ANKRD2: variants seen among roughly 807,000 people sequenced by gnomAD.
ANKRD2 encodes the protein ankyrin repeat domain 2, also known as ankyrin repeat domain-containing protein 2.
A neutral mutation model predicts 37.3 loss-of-function variants in ANKRD2; 35 were observed. The ratio of observed to expected loss-of-function variants is 0.94; its 90% CI spans 0.72 to 1.24. The LOEUF is 1.24. Among genes scored for constraint, ANKRD2 ranks in the 50% most tolerant of loss-of-function variants. The pLI is 0.00. For synonymous variants in ANKRD2, 159 were observed against 186.5 expected, an observed-to-expected ratio of 0.85 and a Z score of 1.20; for missense variants, 410 against 445.6, an observed-to-expected ratio of 0.92 and a Z score of 0.72.
rs1436065232 is a variant in ANKRD2 at position 97,578,250 on chromosome 10, G to A, written c.200G>A (p.Arg67His). The change falls in exon 3 of 9, where the codon CGC (arginine) becomes CAC (histidine). Residue 67 changes from arginine (R) to histidine (H), a missense_variant. Transcript: ENST00000370655. Reference sequence around the variant, plus strand: ...GGCCATCCCGCGCAGGGCCAAGAGCGCGTGCGCAAGACGTCCCTGGACCTG... The same window carrying A: ...GGCCATCCCGCGCAGGGCCAAGAGCACGTGCGCAAGACGTCCCTGGACCTG... The part of the protein sequence containing the change: ...AALQKVKGQE[R>H]VRKTSLDLRR... The A allele has an allele frequency of 5.0e-6, 8 of 1,608,822 alleles. No homozygotes were observed. In the East Asian group the frequency reaches 9.0e-5, roughly 18 times the overall value.
At chr10:97,575,337 C>T (rs1024977415) in intron 1 of ANKRD2, among the ~76,000 whole-genome samples, 6 of 152,230 alleles carry the variant, frequency 3.9e-5, no homozygotes, top group South Asian at 2.1e-4. Flanking sequence ...TCCACTGTGG[C>T]GAGTTTACTG....
In ANKRD2 at chr10:97,578,381, C is replaced by G; in HGVS notation, c.331C>G (p.Pro111Ala). The change falls in exon 3 of 9, where the codon CCA becomes GCA. Residue 111 changes from proline (P) to alanine (A), a missense_variant. Transcript: ENST00000370655. ...TCTGGCCGCCTCGCATGAGCCGCCC[C>G]CAGAGCCCGAGGAGATCGTAAGGGT... is the stretch of plus-strand genomic sequence containing the variant. Reference protein sequence around the residue: ...DALAASHEPPPEPEEITGPVD... With the variant: ...DALAASHEPPAEPEEITGPVD... The G allele has an allele frequency of 1.2e-6, 2 of 1,613,804 alleles. No individual in the cohort carries two copies. Among genetic ancestry groups the G allele is most frequent in the Non-Finnish European group, 1.7e-6 (2 of 1,179,882 alleles).
intron 4 of ANKRD2, among the ~76,000 whole-genome samples, chr10:97,580,378 G>C (rs2040882426): frequency 6.6e-6 from 1 of 152,184 alleles, no homozygotes; most frequent in Non-Finnish European, 1.5e-5. Flanking sequence ...TTGAATCAGT[G>C]ATCAGTGTCA....
chr10:97,573,723 G>A (rs903581804), intron 1 of ANKRD2, among the ~76,000 whole-genome samples: 6 of 152,096 alleles, frequency 3.9e-5, no homozygotes, highest in African/African-American at 9.7e-5. Flanking sequence ...CACCATGCCC[G>A]GCCCCTACTC....
intron 4 of ANKRD2, among the ~76,000 whole-genome samples, chr10:97,579,022 A>G (rs2040864336): frequency 6.6e-6 from 1 of 152,076 alleles, no homozygotes. Context: ...TACGGTGATC[A>G]AATGGAATAT....
intron 1 of ANKRD2, among the ~76,000 whole-genome samples, chr10:97,573,529 C>T (rs141752075): frequency 0.036 from 5,435 of 151,994 alleles, 249 homozygotes; most frequent in African/African-American, 0.097. Flanking sequence ...TGGGTTCAAG[C>T]GATTCTCCTG....
chr10:97,579,875 G>A (rs182983003), intron 4 of ANKRD2, among the ~76,000 whole-genome samples: 2 of 152,286 alleles, frequency 1.3e-5, no homozygotes, highest in Admixed American at 6.5e-5. Flanking sequence ...GGGATTACAG[G>A]CATGAGCCAC....
chr10:97,582,083 G>C (rs967775089), intron 6 of ANKRD2, among the ~76,000 whole-genome samples: 8 of 152,212 alleles, frequency 5.3e-5, no homozygotes, highest in African/African-American at 1.9e-4. Flanking sequence ...GAGCAGCTGG[G>C]TGAGAGGAGA....
Position 97,578,387 on chromosome 10 carries a change from C to G in ANKRD2, c.337C>G (p.Pro113Ala). 6.2e-7 allele frequency: 1 copy of G among 1,613,722 alleles called. No homozygotes were observed. Among genetic ancestry groups the G allele is most frequent in the South Asian group, 1.1e-5 (1 of 91,056 alleles). Reference sequence around the variant, plus strand: ...CGCCTCGCATGAGCCGCCCCCAGAGCCCGAGGAGATCGTAAGGGTCCTGGG... The same window carrying G: ...CGCCTCGCATGAGCCGCCCCCAGAGGCCGAGGAGATCGTAAGGGTCCTGGG... ...LAASHEPPPE[P>A]EEITGPVDEE... The change falls in exon 3 of 9, where the codon CCC becomes GCC. Residue 113 changes from proline to alanine, a missense_variant. Transcript: ENST00000370655.
intron 1 of ANKRD2, among the ~76,000 whole-genome samples, chr10:97,576,235 A>G (rs148703913): frequency 2.6e-5 from 4 of 151,078 alleles, no homozygotes; most frequent in African/African-American, 7.2e-5. Flanking sequence ...CCCAGCTGCC[A>G]CATTGACTCA....
Position 97,578,452 on chromosome 10 carries a change from T to C in ANKRD2, c.349-46T>C, listed in dbSNP as rs376717842. The C allele has an allele frequency of 3.1e-6, 5 of 1,605,446 alleles. No individual in the cohort carries two copies. In the African/African-American group the frequency reaches 5.4e-5, roughly 17 times the overall value. On this transcript the variant is annotated intron_variant, in intron 3 of 8. Transcript: ENST00000370655. Reference sequence around the variant, plus strand: ...GGGGCGGAGGGGGAGCCCGGGAGGCTTCGGATTGCTGGGACGGCCCGTGAC... The same window carrying C: ...GGGGCGGAGGGGGAGCCCGGGAGGCCTCGGATTGCTGGGACGGCCCGTGAC...
In ANKRD2 at chr10:97,580,054, G is replaced by T. The variant is rs954724363; in HGVS notation, c.457-801G>T. On this transcript the variant is annotated intron_variant, in intron 4 of 8. Transcript: ENST00000370655. The stretch of plus-strand genomic sequence containing the variant: ...TCCACCTTTGGTCTGCATTATTGTA[G>T]ACTTGGACCACATGTCCTTTCTGTT... 2.6e-5 allele frequency among the ~76,000 whole-genome samples: 4 copies of T among 152,152 alleles called. No individual in the cohort carries two copies. In the South Asian group the frequency reaches 8.3e-4, roughly 32 times the overall value.
Position 97,581,417 on chromosome 10 carries a change from G to A in ANKRD2, c.654+3G>A. Reference sequence around the variant, plus strand: ...CAGACACCAATGTGAGGGATAAGGTGAGGCAAAAACACTCAGAAGCAACAG... The same window carrying A: ...CAGACACCAATGTGAGGGATAAGGTAAGGCAAAAACACTCAGAAGCAACAG... On this transcript the variant is annotated splice_donor_region_variant and intron_variant, in intron 6 of 8. Transcript: ENST00000370655. The A allele has an allele frequency of 6.2e-7, 1 of 1,614,010 alleles. No individual in the cohort carries two copies. Among genetic ancestry groups the A allele is most frequent in the Non-Finnish European group, 8.5e-7 (1 of 1,179,906 alleles).
intron 4 of ANKRD2, 130 bp downstream of exon 4, chr10:97,578,735 T>A: frequency 2.8e-6 from 2 of 713,066 alleles, no homozygotes; most frequent in South Asian, 3.8e-5. Context: ...GGTGGGTGGC[T>A]GGGGCGCTCA....
At chr10:97,576,988 G>A (rs1041972024) in intron 1 of ANKRD2, among the ~76,000 whole-genome samples, 2 of 151,622 alleles carry the variant, frequency 1.3e-5, no homozygotes, top group Non-Finnish European at 2.9e-5. Context: ...GTGAGCCACT[G>A]TACCTGGCCT....
intron 1 of ANKRD2, among the ~76,000 whole-genome samples, chr10:97,575,940 C>T (rs1455992395): frequency 6.6e-6 from 1 of 151,874 alleles, no homozygotes; most frequent in Non-Finnish European, 1.5e-5. Flanking sequence ...ACAAGCTGGC[C>T]CTCTGGATGC....
chr10:97,578,915 T>G (rs2040863089), intron 4 of ANKRD2, among the ~76,000 whole-genome samples: 1 of 152,198 alleles, frequency 6.6e-6, no homozygotes, highest in African/African-American at 2.4e-5. Flanking sequence ...ATCCCATCTC[T>G]CTCACTCACG....
At chr10:97,575,969 A>G (rs1232228293) in intron 1 of ANKRD2, among the ~76,000 whole-genome samples, 1 of 151,808 alleles carries the variant, frequency 6.6e-6, no homozygotes, top group Non-Finnish European at 1.5e-5. Flanking sequence ...GAGCCCAGCC[A>G]GAGTCCCACA....
intron 1 of ANKRD2, among the ~76,000 whole-genome samples, chr10:97,575,069 C>T (rs926839453): frequency 1.3e-5 from 2 of 152,240 alleles, no homozygotes; most frequent in African/African-American, 4.8e-5. Flanking sequence ...AAAGTGGGAG[C>T]TTTGTGTGTT....
Sources: allele counts gnomAD v4.1 joint callset (sites outside exome capture counted in the v4.1 genomes callset), GRCh38; gene constraint gnomAD v4.1.1; transcripts MANE v1.5; gene names NCBI Gene and HGNC (gene_info 2026-07-23, HGNC 2026-07-21).